MTMR8: variants seen among roughly 807,000 people sequenced by gnomAD.
MTMR8 encodes the protein myotubularin related protein 8.
In MTMR8, 65 loss-of-function variants were observed where a neutral mutation model predicts 39.3. The ratio of observed to expected loss-of-function variants is 1.65; its 90% CI spans 1.35 to 2.03. MTMR8 has a LOEUF of 2.03. Among genes scored for constraint, MTMR8 ranks in the 30% most tolerant of loss-of-function variants. MTMR8 has a pLI of 0.00. For synonymous variants in MTMR8, 245 were observed against 185.2 expected (o/e 1.32, Z -2.62); for missense variants, 777 against 538.9 (o/e 1.44, Z -4.37).
chrX:64,328,279 A>T (rs1483650871), intron 12 of MTMR8, among the ~76,000 whole-genome samples: 1 of 112,048 alleles, frequency 8.9e-6, no homozygotes, highest in Non-Finnish European at 1.9e-5. Flanking sequence ...TTCAGAGATG[A>T]CATGATCTAA....
chrX:64,287,942 C>T (rs1381036388), intron 12 of MTMR8, among the ~76,000 whole-genome samples: 1 of 82,124 alleles, frequency 1.2e-5, no homozygotes, highest in Non-Finnish European at 2.3e-5. Flanking sequence ...AAAGCAATGT[C>T]AACAAAAGCC....
Position 64,375,047 on chromosome X carries a change from CAAA to C in MTMR8, c.25-15523_25-15521del, listed in dbSNP as rs34716248. 1.2e-3 allele frequency among the ~76,000 whole-genome samples: 69 copies of C among 55,982 alleles called. 1 individual carries two copies. The highest frequency in any genetic ancestry group is 3.4e-3 in the African/African-American group (63 of 18,368). The allele number at this position is 55,982 out of a possible 115,157, so 48.6% of individuals were successfully genotyped here. ...GGGAATAAATTTCTATTGTTTTAAG[CAAA>C]AAAAAAAAAAAAAAAAAGTGAAGGA... On this transcript the variant is annotated intron_variant, in intron 1 of 13. Coordinates refer to ENST00000374852, the MANE Select transcript of MTMR8 (RefSeq NM_017677.4).
Position 64,269,231 on chromosome X carries a change from G to A in MTMR8, c.1609-188C>T, listed in dbSNP as rs756272435. Among the ~76,000 whole-genome samples the A allele has an allele frequency of 1.5e-3, 162 of 111,029 alleles. 1 individual carries two copies. The highest frequency in any genetic ancestry group is 5.2e-3 in the African/African-American group (157 of 30,416). On this transcript the variant is annotated intron_variant, in intron 13 of 13. Transcript: ENST00000374852. ...ATAGTACTTTAGAAGCCCTACCATTGAAGAATGTCAAAGGTCTTATATCTA... is the reference window on the plus strand; with the variant it reads ...ATAGTACTTTAGAAGCCCTACCATTAAAGAATGTCAAAGGTCTTATATCTA...
At chrX:64,291,398 A>G (rs750682767) in intron 12 of MTMR8, among the ~76,000 whole-genome samples, 14 of 110,784 alleles carry the variant, frequency 1.3e-4, no homozygotes, top group African/African-American at 4.3e-4. Context: ...CTGCCTAGTC[A>G]TCTAAACACG....
At chrX:64,377,120 C>T (rs1443787427) in intron 1 of MTMR8, among the ~76,000 whole-genome samples, 1 of 112,455 alleles carries the variant, frequency 8.9e-6, no homozygotes, top group African/African-American at 3.2e-5. Flanking sequence ...TAGGGAGATG[C>T]CTGGATGTCC....
intron 1 of MTMR8, among the ~76,000 whole-genome samples, chrX:64,394,726 G>A (rs1924776690): frequency 8.9e-6 from 1 of 112,021 alleles, no homozygotes; most frequent in Admixed American, 9.4e-5. Context: ...TAAACCTCTT[G>A]GGTTTCTCCT....
chrX:64,270,539 A>G (rs1317463791), intron 13 of MTMR8, among the ~76,000 whole-genome samples: 1 of 112,464 alleles, frequency 8.9e-6, no homozygotes, highest in Non-Finnish European at 1.9e-5. Context: ...TTTACATGGG[A>G]AGGAAATAAG....
At chrX:64,338,442 G>A (rs1923131491) in intron 8 of MTMR8, among the ~76,000 whole-genome samples, 1 of 112,376 alleles carries the variant, frequency 8.9e-6, no homozygotes, top group African/African-American at 3.2e-5. Context: ...CAGGAGGAAA[G>A]GACATTCCAG....
At chrX:64,364,301 C>A (rs1447616480) in intron 1 of MTMR8, among the ~76,000 whole-genome samples, 1 of 112,391 alleles carries the variant, frequency 8.9e-6, no homozygotes, top group East Asian at 2.8e-4. Flanking sequence ...GGTTCCTGAC[C>A]ACTGTGTAGC....
intron 12 of MTMR8, among the ~76,000 whole-genome samples, chrX:64,298,683 T>G (rs1298804269): frequency 2.2e-5 from 2 of 92,019 alleles, no homozygotes; most frequent in Non-Finnish European, 3.8e-5. Flanking sequence ...GCTTCCAGTT[T>G]TTGCCCATTC....
chrX:64,379,770 AC>A (rs1353706904), intron 1 of MTMR8, among the ~76,000 whole-genome samples: 1 of 111,991 alleles, frequency 8.9e-6, no homozygotes, highest in Non-Finnish European at 1.9e-5. Context: ...TTTGGGGGAC[AC>A]AATTCATACC....
chrX:64,343,798 A>G lies in MTMR8; in HGVS notation c.866-78T>C, dbSNP rs780249708. 6.9e-5 allele frequency: 47 copies of G among 680,894 alleles called. No homozygotes were observed. In the African/African-American group the frequency reaches 8.7e-4, roughly 13 times the overall value. The allele number at this position is 680,894 out of a possible 1,213,427, so 56.1% of individuals were successfully genotyped here. ...CATTAAGGGGAGAAAGTGGATCTCC[A>G]TATCGTAAGTGAGGAAGCTGAGGCA... On this transcript the variant is annotated intron_variant, in intron 7 of 13. Transcript: ENST00000374852.
At chrX:64,289,985 G>T (rs190048159) in intron 12 of MTMR8, among the ~76,000 whole-genome samples, 2 of 111,074 alleles carry the variant, frequency 1.8e-5, no homozygotes, top group African/African-American at 6.5e-5. Context: ...GTTGTCAGGG[G>T]TAGGTGGAAT....
In MTMR8 at chrX:64,331,706, C is replaced by T; in HGVS notation, c.1203G>A (p.Gln401=). 1.7e-6 allele frequency: 2 copies of T among 1,210,820 alleles called. No homozygotes were observed. The highest frequency in any genetic ancestry group is 2.2e-6 in the Non-Finnish European group (2 of 894,896). Residue 401 remains glutamine (Q), a synonymous_variant, in exon 11 of 14, where the codon CAG becomes CAA. Transcript: ENST00000374852. ...TTAATTGCCAGATACAGTCTAGGAA[C>T]TGGGTGAAGATAGGGGACACTTCTT... is the stretch of plus-strand genomic sequence containing the variant. ...DSKEVSPIFT[Q]FLDCIWQLME... is the part of the protein sequence containing the mutation.
At chrX:64,276,670 T>C (rs1344597751) in intron 12 of MTMR8, among the ~76,000 whole-genome samples, 1 of 111,707 alleles carries the variant, frequency 9.0e-6, no homozygotes, top group African/African-American at 3.3e-5. Flanking sequence ...TCCATTCTTT[T>C]GTATTTGCTG....
chrX:64,316,395 C>T (rs1326106340), intron 12 of MTMR8, among the ~76,000 whole-genome samples: 1 of 111,653 alleles, frequency 9.0e-6, no homozygotes, highest in Non-Finnish European at 1.9e-5. Context: ...ACCTGTAATA[C>T]CAGTACTTTG....
chrX:64,281,957 C>A (rs1019111769), intron 12 of MTMR8, among the ~76,000 whole-genome samples: 17 of 108,339 alleles, frequency 1.6e-4, no homozygotes, highest in African/African-American at 4.8e-4. Flanking sequence ...ATGCGGCCAA[C>A]AAACATATGA....
chrX:64,278,723 C>T (rs757646507), intron 12 of MTMR8, among the ~76,000 whole-genome samples: 1 of 110,231 alleles, frequency 9.1e-6, no homozygotes, highest in Admixed American at 9.7e-5. Context: ...CTGCCCGCCT[C>T]GGCCTTCCAA....
chrX:64,323,614 T>A (rs1382978128), intron 12 of MTMR8, among the ~76,000 whole-genome samples: 1 of 112,422 alleles, frequency 8.9e-6, no homozygotes, highest in Non-Finnish European at 1.9e-5. Flanking sequence ...TAAACAGTCT[T>A]CTCAACAGAA....
Sources: gnomAD v4.1 joint callset for allele counts (sites outside exome capture counted in the v4.1 genomes callset) on GRCh38, gnomAD v4.1.1 for gene constraint, MANE v1.5 for transcripts, NCBI Gene and HGNC (gene_info 2026-07-23, HGNC 2026-07-21) for gene names.